The following PLCG2 variants were observed in gnomAD, a reference collection of about 807,000 sequenced individuals.
PLCG2 encodes the protein phospholipase C gamma 2, also known as 1-phosphatidylinositol 4,5-bisphosphate phosphodiesterase gamma-2.
PLCG2 carries 69 observed loss-of-function variants against 175.6 expected under a neutral mutation model. The observed-to-expected ratio is 0.39, with a 90% CI of 0.32 to 0.48. PLCG2 has a LOEUF of 0.48. Ranked by LOEUF, PLCG2 falls within the 20% of genes least tolerant of loss-of-function variation. PLCG2 has a pLI of 0.91. For missense variants in PLCG2, 1,798 were observed against 1,650.9 expected (o/e 1.09, Z -1.54); for synonymous variants, 827 against 624.0 (o/e 1.33, Z -4.85).
At chr16:81,881,084 G>T in intron 8 of PLCG2, 131 bp downstream of exon 8, 1 of 832,846 alleles carries the variant, frequency 1.2e-6, no homozygotes, top group South Asian at 1.4e-5. Context: ...GCCCCTGCTG[G>T]GGAATTGGCC....
At chr16:81,804,209 A>C (rs1253666350) in intron 2 of PLCG2, among the ~76,000 whole-genome samples, 1 of 152,344 alleles carries the variant, frequency 6.6e-6, no homozygotes, top group East Asian at 1.9e-4. Flanking sequence ...CCTCGCCAAC[A>C]CATGTTAGTA....
chr16:81,769,269 C>G (rs1910220858), intron 2 of PLCG2, among the ~76,000 whole-genome samples: 1 of 152,206 alleles, frequency 6.6e-6, no homozygotes, highest in African/African-American at 2.4e-5. Flanking sequence ...CCCAAAGTGC[C>G]CAGACTGCTT....
At chr16:81,908,278 C>G in intron 16 of PLCG2, 138 bp from the exon 17 acceptor site, 1 of 736,012 alleles carries the variant, frequency 1.4e-6, no homozygotes, top group Non-Finnish European at 2.2e-6. Context: ...TCCCATACCC[C>G]TTCGGGTGGG....
Position 81,927,157 on chromosome 16 carries a change from C to G in PLCG2, c.2493C>G (p.Asp831Glu), listed in dbSNP as rs1291655211. Residue 831 changes from aspartate (D) to glutamate (E), a missense_variant, in exon 23 of 33, where the codon GAC (aspartate) becomes GAG (glutamate). Transcript: ENST00000564138. ...ACGTCGAGGACATCTCAACTGCAGA[C>G]TTCGAGGAGCTAGAAAAGCAGGTGA... Reference protein sequence around the residue: ...SNYVEDISTADFEELEKQIIE... With the variant: ...SNYVEDISTAEFEELEKQIIE... 2 of 1,612,194 alleles carry G rather than the reference C, an allele frequency of 1.2e-6. No homozygotes were observed. The highest frequency in any genetic ancestry group is 1.7e-5 in the Admixed American group (1 of 60,022).
At chr16:81,858,913 C>G (rs745973038) in intron 4 of PLCG2, among the ~76,000 whole-genome samples, 3 of 152,130 alleles carry the variant, frequency 2.0e-5, no homozygotes, top group Non-Finnish European at 1.5e-5. Context: ...GAAACCTGGC[C>G]TTTTTGAGTT....
At chr16:81,750,663 A>AGTTTTTTTTTTTTT (rs1909790753) in intron 1 of PLCG2, among the ~76,000 whole-genome samples, 1 of 68,446 alleles carries the variant, frequency 1.5e-5, no homozygotes, top group Non-Finnish European at 2.6e-5. Flanking sequence ...GGGACTGGAG[A>AGTTTTTTTTTTTTT]TTTTTTTTTT....
intron 2 of PLCG2, among the ~76,000 whole-genome samples, chr16:81,810,881 A>T (rs1310280032): frequency 6.6e-6 from 1 of 152,150 alleles, no homozygotes; most frequent in African/African-American, 2.4e-5. Flanking sequence ...TTTGTACATG[A>T]CTATATTTAT....
intron 6 of PLCG2, among the ~76,000 whole-genome samples, 172 bp downstream of exon 6, chr16:81,869,470 G>A (rs992548278): frequency 3.9e-5 from 6 of 152,096 alleles, no homozygotes; most frequent in Non-Finnish European, 7.4e-5. Context: ...GAGGACCATC[G>A]TCTCAATCCT....
chr16:81,854,174 A>G (rs1000244610), intron 2 of PLCG2, among the ~76,000 whole-genome samples: 1 of 152,134 alleles, frequency 6.6e-6, no homozygotes, highest in Non-Finnish European at 1.5e-5. Flanking sequence ...CCTAGTTTAA[A>G]ATGTGTCTGT....
intron 1 of PLCG2, among the ~76,000 whole-genome samples, chr16:81,751,663 T>C (rs1048971532): frequency 1.3e-5 from 2 of 152,168 alleles, no homozygotes; most frequent in African/African-American, 2.4e-5. Context: ...GTGATGGATA[T>C]GTTAACTAGC....
At chr16:81,818,767 C>T (rs1216521998) in intron 2 of PLCG2, among the ~76,000 whole-genome samples, 1 of 151,934 alleles carries the variant, frequency 6.6e-6, no homozygotes, top group African/African-American at 2.4e-5. Context: ...GCTGCTGAGC[C>T]TGTCACTCTG....
intron 5 of PLCG2, among the ~76,000 whole-genome samples, chr16:81,865,230 G>C (rs886548976): frequency 6.6e-6 from 1 of 152,096 alleles, no homozygotes; most frequent in Non-Finnish European, 1.5e-5. Context: ...TGACCTGGGC[G>C]AGGCACTCTC....
Position 81,895,765 on chromosome 16 carries a change from T to C in PLCG2, c.1073-42T>C, listed in dbSNP as rs768188663. On this transcript the variant is annotated intron_variant, in intron 12 of 32. Transcript: ENST00000564138. ...CGGGGGCTGACCTCGGGGCTGTCAG[T>C]GAACACACGTGGTATTGAGGCTGCC... 4.3e-6 allele frequency: 7 copies of C among 1,610,836 alleles called. No homozygotes were observed. The Admixed American group carries it at 5.0e-5, about 12-fold the overall frequency.
intron 31 of PLCG2, among the ~76,000 whole-genome samples, chr16:81,952,204 C>T (rs1199108900): frequency 6.6e-6 from 1 of 151,872 alleles, no homozygotes; most frequent in East Asian, 1.9e-4. Flanking sequence ...CCAACCCTTC[C>T]AAAATTAATG....
intron 18 of PLCG2, 136 bp from the exon 19 acceptor site, chr16:81,912,461 C>A (rs1191017666): frequency 2.0e-6 from 2 of 1,024,234 alleles, no homozygotes; most frequent in Non-Finnish European, 2.8e-6. Flanking sequence ...TGGGGAAGCC[C>A]ACTGTGTGAT....
At chr16:81,775,243 C>G (rs1910373783), upstream of PLCG2, among the ~76,000 whole-genome samples, 2 of 152,162 alleles carry the variant, frequency 1.3e-5, no homozygotes, top group Admixed American at 6.5e-5. Context: ...TAGGCCCGCT[C>G]TCTGCTTTCC....
chr16:81,916,883 C>T (rs1025191750), intron 19 of PLCG2, among the ~76,000 whole-genome samples: 3 of 152,168 alleles, frequency 2.0e-5, no homozygotes, highest in Non-Finnish European at 2.9e-5. Context: ...GGTGATCCAC[C>T]CTCCTTGGCC....
chr16:81,743,977 G>A (rs113048744), intron 1 of PLCG2, among the ~76,000 whole-genome samples: 130 of 151,714 alleles, frequency 8.6e-4, no homozygotes, highest in African/African-American at 3.1e-3. Flanking sequence ...TCCTGCCTCG[G>A]CCTCCCAAGT....
chr16:81,905,580 G>A, intron 15 of PLCG2, 73 bp downstream of exon 15: 2 of 951,304 alleles, frequency 2.1e-6, no homozygotes, highest in Non-Finnish European at 3.4e-6. Context: ...CCTGCTGGGA[G>A]CTCTGAGAAT....
Sources: gnomAD v4.1 joint callset for allele counts (sites outside exome capture counted in the v4.1 genomes callset) on GRCh38, gnomAD v4.1.1 for gene constraint, MANE v1.5 for transcripts, NCBI Gene and HGNC (gene_info 2026-07-23, HGNC 2026-07-21) for gene names.